Variants in EGFLAM observed in about 807,000 individuals in gnomAD.
EGFLAM encodes pikachurin.
Under a neutral mutation model 113.1 loss-of-function variants are expected in EGFLAM, and 79 were observed. The observed-to-expected ratio is 0.70, with a 90% CI of 0.58 to 0.84. The LOEUF (loss-of-function observed/expected upper bound fraction) is 0.84. EGFLAM is among the 40% of genes least tolerant of loss of function. The probability of loss-of-function intolerance (pLI) is 0.00; values close to 1 mark genes in which losing one functional copy is unlikely to be tolerated. For missense variants in EGFLAM, 1,265 were observed against 1,291.6 expected (o/e 0.98, Z 0.32); for synonymous variants, 504 against 487.6 (o/e 1.03, Z -0.44).
chr5:38,282,414 T>C (rs745625043), intron 1 of EGFLAM: 6 of 152,210 alleles, frequency 3.9e-5, no homozygotes, highest in Non-Finnish European at 8.8e-5. Flanking sequence ...GAACATGGTA[T>C]AGAACAAGCA....
intron 1 of EGFLAM, among the ~76,000 whole-genome samples, chr5:38,261,467 T>C (rs1757499078): frequency 6.6e-6 from 1 of 152,098 alleles, no homozygotes; most frequent in Admixed American, 6.5e-5. Context: ...AAGGAGAAAT[T>C]GTGGCTTAGA....
chr5:38,290,314 G>A (rs1488776409), intron 1 of EGFLAM, among the ~76,000 whole-genome samples: 2 of 152,140 alleles, frequency 1.3e-5, no homozygotes, highest in Non-Finnish European at 2.9e-5. Flanking sequence ...TTCTTGAGAT[G>A]TTAACTCCCC....
chr5:38,288,345 G>A (rs772119317), intron 1 of EGFLAM, among the ~76,000 whole-genome samples: 140 of 152,174 alleles, frequency 9.2e-4, no homozygotes, highest in Non-Finnish European at 1.6e-3. Context: ...AAAGAAAGGT[G>A]GTCAGTTTCA....
intron 1 of EGFLAM, among the ~76,000 whole-genome samples, chr5:38,262,281 A>T (rs1033411006): frequency 3.3e-5 from 5 of 152,180 alleles, no homozygotes; most frequent in African/African-American, 1.2e-4. Flanking sequence ...AACTGCGGGA[A>T]CCAGCATGCA....
At position 38,448,379 on chromosome 5, in the gene EGFLAM, G is replaced by C; in HGVS notation, c.2543G>C (p.Arg848Thr). 1 of 1,614,062 alleles carries C rather than the reference G, an allele frequency of 6.2e-7. No individual in the cohort carries two copies. The highest frequency in any genetic ancestry group is 8.5e-7 in the Non-Finnish European group (1 of 1,180,030). ...LTYDNPDILK[R>T]VSGSRSNVFM... ...TATGACAACCCAGATATCTTGAAGA[G>C]GTAATAAGCTTCAACAGGCACCTTC... is the stretch of plus-strand genomic sequence containing the variant. Residue 848 changes from arginine (R) to threonine (T), a missense_variant and splice_region_variant, in exon 18 of 22, where the codon AGG (arginine) becomes ACG (threonine). Transcript: ENST00000322350.
At chr5:38,389,221 A>G (rs888578213) in intron 6 of EGFLAM, among the ~76,000 whole-genome samples, 29 of 152,188 alleles carry the variant, frequency 1.9e-4, no homozygotes, top group Non-Finnish European at 2.9e-5. Flanking sequence ...AGAAGCATTG[A>G]TGATTTACAT....
Position 38,465,333 on chromosome 5 carries a change from A to C in EGFLAM, c.*1347A>C, listed in dbSNP as rs1183310938. Among the ~76,000 whole-genome samples the C allele has an allele frequency of 6.6e-6, 1 of 152,234 alleles. No homozygotes were observed. Among genetic ancestry groups the C allele is most frequent in the Non-Finnish European group, 1.5e-5 (1 of 68,044 alleles). On this transcript the variant is annotated 3_prime_UTR_variant, in exon 22 of 22. Coordinates refer to ENST00000322350, the MANE Select transcript of EGFLAM (RefSeq NM_152403.4). ...CAAGGAGGGGGTGAAATATGATCTA[A>C]CTTATGCAAGAGCCTATAATTAGTC... is the stretch of plus-strand genomic sequence containing the variant.
At chr5:38,311,222 A>G (rs1738433287) in intron 1 of EGFLAM, among the ~76,000 whole-genome samples, 1 of 152,126 alleles carries the variant, frequency 6.6e-6, no homozygotes, top group Non-Finnish European at 1.5e-5. Flanking sequence ...GAACATTTCA[A>G]ATCTATTCTT....
At chr5:38,315,006 T>C (rs547918443) in intron 1 of EGFLAM, among the ~76,000 whole-genome samples, 117 of 152,342 alleles carry the variant, frequency 7.7e-4, no homozygotes, top group Admixed American at 2.2e-3. Flanking sequence ...TTTGCTATAA[T>C]AGCCAACCTA....
chr5:38,262,419 C>G (rs1427384632), intron 1 of EGFLAM, among the ~76,000 whole-genome samples: 1 of 152,182 alleles, frequency 6.6e-6, no homozygotes, highest in African/African-American at 2.4e-5. Context: ...TGAGCCCTAA[C>G]AAACATACAC....
chr5:38,294,692 G>A (rs1579738143), intron 1 of EGFLAM, among the ~76,000 whole-genome samples: 1 of 151,998 alleles, frequency 6.6e-6, no homozygotes, highest in South Asian at 2.1e-4. Context: ...AGGTTTTACA[G>A]GTTTACCTTG....
chr5:38,269,694 T>C (rs960437779), intron 1 of EGFLAM, among the ~76,000 whole-genome samples: 1 of 152,252 alleles, frequency 6.6e-6, no homozygotes, highest in South Asian at 2.1e-4. Context: ...TTTCACTGTG[T>C]TAGCCAGGAT....
intron 19 of EGFLAM, among the ~76,000 whole-genome samples, chr5:38,455,035 C>T (rs969081684): frequency 1.3e-5 from 2 of 152,136 alleles, no homozygotes; most frequent in African/African-American, 2.4e-5. Flanking sequence ...ATAAAACCTA[C>T]CACCGGTGGG....
intron 1 of EGFLAM, among the ~76,000 whole-genome samples, chr5:38,323,759 G>T (rs964414754): frequency 2.0e-5 from 3 of 152,036 alleles, no homozygotes; most frequent in Non-Finnish European, 4.4e-5. Context: ...TTCATTAAGA[G>T]TTTTTTCGGC....
At chr5:38,284,149 G>C (rs180861278) in intron 1 of EGFLAM, 2 of 152,254 alleles carry the variant, frequency 1.3e-5, no homozygotes, top group African/African-American at 4.8e-5. Flanking sequence ...GACAGTGTCA[G>C]TGGCTTAGTT....
At chr5:38,443,799 T>C (rs1189672675) in intron 17 of EGFLAM, among the ~76,000 whole-genome samples, 1 of 148,852 alleles carries the variant, frequency 6.7e-6, no homozygotes, top group Non-Finnish European at 1.5e-5. Flanking sequence ...AGATGGAGTC[T>C]AACTCTGTCA....
intron 1 of EGFLAM, among the ~76,000 whole-genome samples, chr5:38,286,520 C>T (rs539538451): frequency 1.3e-5 from 2 of 152,120 alleles, no homozygotes; most frequent in Non-Finnish European, 2.9e-5. Context: ...CACACCTTCC[C>T]AAATTATCCA....
At chr5:38,381,725 CTCTT>C (rs1280912644) in intron 6 of EGFLAM, among the ~76,000 whole-genome samples, 1 of 152,178 alleles carries the variant, frequency 6.6e-6, no homozygotes, top group Non-Finnish European at 1.5e-5. Context: ...TTTTTCCTCT[CTCTT>C]CTTTCTTGTT....
At chr5:38,404,697 A>G (rs1294732340) in intron 6 of EGFLAM, among the ~76,000 whole-genome samples, 1 of 152,146 alleles carries the variant, frequency 6.6e-6, no homozygotes, top group Non-Finnish European at 1.5e-5. Context: ...ATAACTAATG[A>G]GTGGCAGCAT....
Sources: allele counts gnomAD v4.1 joint callset (sites outside exome capture counted in the v4.1 genomes callset), GRCh38; gene constraint gnomAD v4.1.1; transcripts MANE v1.5; gene names NCBI Gene and HGNC (gene_info 2026-07-23, HGNC 2026-07-21).